The following ENOX1 variants were observed in gnomAD, a reference collection of about 807,000 sequenced individuals.
ENOX1 encodes candidate growth-related and time keeping constitutive hydroquinone (NADH) oxidase.
A neutral mutation model predicts 82.5 loss-of-function variants in ENOX1; 42 were observed. That is an observed-to-expected ratio of 0.51 (90% CI 0.40 to 0.66). The LOEUF (loss-of-function observed/expected upper bound fraction) is 0.66. ENOX1 is among the 30% of genes least tolerant of loss of function. The probability of loss-of-function intolerance (pLI) is 0.00; values close to 1 mark genes in which losing one functional copy is unlikely to be tolerated. For missense variants in ENOX1, 608 were observed against 811.6 expected, an observed-to-expected ratio of 0.75 and a Z score of 3.05; for synonymous variants, 271 against 282.2, an observed-to-expected ratio of 0.96 and a Z score of 0.40.
intron 2 of ENOX1, among the ~76,000 whole-genome samples, chr13:43,507,189 A>T (rs2077204038): frequency 6.6e-6 from 1 of 151,918 alleles, no homozygotes; most frequent in African/African-American, 2.4e-5. Flanking sequence ...ACAAAAGACA[A>T]AGGATATAGA....
chr13:43,390,046 G>A (rs2052675215), intron 5 of ENOX1, among the ~76,000 whole-genome samples: 1 of 152,186 alleles, frequency 6.6e-6, no homozygotes, highest in Non-Finnish European at 1.5e-5. Context: ...TAAGGATTAT[G>A]AGAGGTCTAT....
At position 43,620,201 on chromosome 13, in the gene ENOX1, CT is replaced by C. The variant is rs909329684; in HGVS notation, c.-219+47277del. 5.3e-5 allele frequency among the ~76,000 whole-genome samples: 8 copies of C among 151,872 alleles called. No homozygotes were observed. In the South Asian group the frequency reaches 1.0e-3, roughly 20 times the overall value. ...TTTATTTATCTTTTCAAAGAACCGG[CT>C]TTTTTTTCCTTTATCTTTTATATTT... On this transcript the variant is annotated intron_variant, in intron 2 of 16. Coordinates refer to ENST00000690772, the MANE Select transcript of ENOX1 (RefSeq NM_001347969.2).
chr13:43,316,774 GAAA>G (rs759779624), intron 11 of ENOX1, among the ~76,000 whole-genome samples: 4 of 135,114 alleles, frequency 3.0e-5, no homozygotes, highest in Non-Finnish European at 4.7e-5. Flanking sequence ...AAGATTAAAA[GAAA>G]AAAAAAAAAA....
intron 5 of ENOX1, among the ~76,000 whole-genome samples, chr13:43,397,887 T>C (rs1216151963): frequency 6.6e-6 from 1 of 152,234 alleles, no homozygotes; most frequent in East Asian, 1.9e-4. Flanking sequence ...CAGAAGCTTA[T>C]GTTTTGGAGG....
At chr13:43,520,918 A>G (rs937065794) in intron 2 of ENOX1, among the ~76,000 whole-genome samples, 1 of 152,160 alleles carries the variant, frequency 6.6e-6, no homozygotes, top group African/African-American at 2.4e-5. Flanking sequence ...CTTCCAACTT[A>G]GCTAAGGGAA....
At chr13:43,426,215 G>T (rs1243369176) in intron 3 of ENOX1, among the ~76,000 whole-genome samples, 1 of 152,170 alleles carries the variant, frequency 6.6e-6, no homozygotes, top group South Asian at 2.1e-4. Flanking sequence ...TTGTGGAAAA[G>T]AAGAAGGAGG....
At chr13:43,275,947 C>G (rs1030241321) in intron 12 of ENOX1, among the ~76,000 whole-genome samples, 30 of 152,246 alleles carry the variant, frequency 2.0e-4, no homozygotes, top group African/African-American at 7.0e-4. Context: ...CTCAGGGGAT[C>G]CATCTTGAAT....
intron 2 of ENOX1, among the ~76,000 whole-genome samples, chr13:43,600,643 C>A (rs768150654): frequency 4.6e-5 from 7 of 152,158 alleles, no homozygotes; most frequent in Non-Finnish European, 1.0e-4. Context: ...GCTTTACCAC[C>A]TGCTGATTGT....
At chr13:43,450,796 T>C (rs572051071) in intron 3 of ENOX1, among the ~76,000 whole-genome samples, 6 of 152,056 alleles carry the variant, frequency 3.9e-5, no homozygotes, top group African/African-American at 1.5e-4. Context: ...GGGCAAGATG[T>C]TTGCTATCTC....
At chr13:43,617,327 T>A (rs115436748) in intron 2 of ENOX1, among the ~76,000 whole-genome samples, 1,898 of 152,338 alleles carry the variant, frequency 0.012, 45 homozygotes, top group African/African-American at 0.043. Flanking sequence ...TGAGGACAAA[T>A]CCCTGTTATG....
intron 3 of ENOX1, among the ~76,000 whole-genome samples, chr13:43,449,496 A>G (rs2056839564): frequency 6.6e-6 from 1 of 152,242 alleles, no homozygotes; most frequent in Admixed American, 6.5e-5. Flanking sequence ...TGATGATCAT[A>G]AAACAATCAA....
chr13:43,341,722 T>A (rs953351976), intron 9 of ENOX1, among the ~76,000 whole-genome samples: 2 of 152,234 alleles, frequency 1.3e-5, no homozygotes, highest in African/African-American at 2.4e-5. Flanking sequence ...GCACTCTGTA[T>A]GGCAAAAACT....
At chr13:43,784,014 A>G (rs780983336) in intron 1 of ENOX1, among the ~76,000 whole-genome samples, 1 of 152,194 alleles carries the variant, frequency 6.6e-6, no homozygotes, top group Non-Finnish European at 1.5e-5. Context: ...GCAACAAAAT[A>G]CTATTGTCTG....
At chr13:43,277,007 C>A (rs1007504953) in intron 12 of ENOX1, among the ~76,000 whole-genome samples, 23 of 152,126 alleles carry the variant, frequency 1.5e-4, no homozygotes, top group Admixed American at 1.3e-3. Context: ...AACCCTGGTG[C>A]CCCCCTCCCT....
intron 2 of ENOX1, among the ~76,000 whole-genome samples, chr13:43,564,794 A>C (rs906362880): frequency 1.3e-5 from 2 of 152,224 alleles, no homozygotes; most frequent in Admixed American, 6.5e-5. Context: ...TTCCCACAGA[A>C]ATACTGATGT....
intron 16 of ENOX1, among the ~76,000 whole-genome samples, chr13:43,219,160 G>A (rs1412512622): frequency 6.6e-6 from 1 of 152,158 alleles, no homozygotes; most frequent in Non-Finnish European, 1.5e-5. Context: ...ATGGAGCCCT[G>A]GGTTCCTGGG....
At chr13:43,642,606 T>A (rs147812143) in intron 2 of ENOX1, among the ~76,000 whole-genome samples, 1 of 152,298 alleles carries the variant, frequency 6.6e-6, no homozygotes, top group East Asian at 1.9e-4. Flanking sequence ...ACCCAAGAGA[T>A]GGCTTCAACA....
chr13:43,328,085 C>T (rs2048216302), intron 9 of ENOX1, among the ~76,000 whole-genome samples: 1 of 152,156 alleles, frequency 6.6e-6, no homozygotes, highest in Non-Finnish European at 1.5e-5. Flanking sequence ...GCACATGTGG[C>T]TTCCCTCCTC....
At chr13:43,554,903 G>A (rs903460625) in intron 2 of ENOX1, among the ~76,000 whole-genome samples, 7 of 152,076 alleles carry the variant, frequency 4.6e-5, no homozygotes, top group Non-Finnish European at 8.8e-5. Flanking sequence ...TTGACCCCTA[G>A]CCCAATATTC....
Sources: allele counts gnomAD v4.1 joint callset (sites outside exome capture counted in the v4.1 genomes callset), GRCh38; gene constraint gnomAD v4.1.1; transcripts MANE v1.5; gene names NCBI Gene and HGNC (gene_info 2026-07-23, HGNC 2026-07-21).